The following PLXDC2 variants were observed in gnomAD, a reference collection of about 807,000 sequenced individuals.
PLXDC2 encodes the protein plexin domain containing 2.
In PLXDC2, 40 loss-of-function variants were observed where a neutral mutation model predicts 68.9. The observed-to-expected ratio is 0.58, with a 90% CI of 0.45 to 0.76. PLXDC2 has a LOEUF of 0.76. PLXDC2 is among the 30% of genes least tolerant of loss of function. The probability of loss-of-function intolerance (pLI) is 0.00; values close to 1 mark genes in which losing one functional copy is unlikely to be tolerated. For missense variants in PLXDC2, 644 were observed against 661.9 expected, an observed-to-expected ratio of 0.97 and a Z score of 0.30; for synonymous variants, 243 against 234.2, an observed-to-expected ratio of 1.04 and a Z score of -0.34.
chr10:20,197,927 C>G (rs988009707), intron 9 of PLXDC2, among the ~76,000 whole-genome samples: 6 of 152,120 alleles, frequency 3.9e-5, no homozygotes, highest in Admixed American at 1.3e-4. Flanking sequence ...AAATATTTTC[C>G]TAATAATATT....
At chr10:20,266,734 C>T (rs1047327074) in intron 13 of PLXDC2, among the ~76,000 whole-genome samples, 1 of 152,058 alleles carries the variant, frequency 6.6e-6, no homozygotes, top group South Asian at 2.1e-4. Flanking sequence ...AAAACTAAAT[C>T]GAGAGACTTT....
At chr10:19,881,301 A>C (rs999076142) in intron 1 of PLXDC2, among the ~76,000 whole-genome samples, 9 of 152,074 alleles carry the variant, frequency 5.9e-5, no homozygotes, top group African/African-American at 2.2e-4. Context: ...TTTTTGGTAG[A>C]CACAGGGTTT....
chr10:19,861,782 T>A (rs1317246295), intron 1 of PLXDC2, among the ~76,000 whole-genome samples: 1 of 152,200 alleles, frequency 6.6e-6, no homozygotes. Flanking sequence ...ACATCTTTTA[T>A]AACCCTCTGA....
At chr10:20,019,145 C>T (rs1010604647) in intron 2 of PLXDC2, among the ~76,000 whole-genome samples, 1 of 142,228 alleles carries the variant, frequency 7.0e-6, no homozygotes, top group Non-Finnish European at 1.5e-5. Context: ...AATAATGAAG[C>T]TCAACCAAAT....
At position 19,834,329 on chromosome 10, in the gene PLXDC2, T is replaced by TAGAGAGAGAG. The variant is rs72293743; in HGVS notation, c.112+17155_112+17164dup. On this transcript the variant is annotated intron_variant, in intron 1 of 13. Coordinates refer to ENST00000377252, the MANE Select transcript of PLXDC2 (RefSeq NM_032812.9). ...ACAAAATCACAGAGAAAGAGAGAGG[T>TAGAGAGAGAG]AGAGAGAGAGAGAGAGAGAGAGAGA... Among the ~76,000 whole-genome samples the TAGAGAGAGAG allele has an allele frequency of 1.7e-3, 253 of 145,290 alleles. 5 individuals carry two copies. The East Asian group carries it at 0.044, about 25-fold the overall frequency.
intron 9 of PLXDC2, among the ~76,000 whole-genome samples, chr10:20,187,783 T>A (rs1834706381): frequency 6.6e-6 from 1 of 151,924 alleles, no homozygotes; most frequent in Admixed American, 6.6e-5. Flanking sequence ...TCAGAATCGA[T>A]CTCGATGACA....
chr10:20,062,299 G>A lies in PLXDC2; in HGVS notation c.472-5871G>A, dbSNP rs10764192. 7.0e-3 allele frequency among the ~76,000 whole-genome samples: 1,063 copies of A among 152,070 alleles called. 6 individuals are homozygous for A. Among genetic ancestry groups the A allele is most frequent in the Non-Finnish European group, 0.01 (698 of 67,968 alleles). On this transcript the variant is annotated intron_variant, in intron 3 of 13. Transcript: ENST00000377252. ...ATCAGCTGGGTATGGTGGCGCATGCGTGTAGTCCCAGCTACTAGGGAGGCT... is the reference window on the plus strand; with the variant it reads ...ATCAGCTGGGTATGGTGGCGCATGCATGTAGTCCCAGCTACTAGGGAGGCT...
At chr10:20,020,844 G>A (rs1278531720) in intron 2 of PLXDC2, among the ~76,000 whole-genome samples, 1 of 152,052 alleles carries the variant, frequency 6.6e-6, no homozygotes, top group Non-Finnish European at 1.5e-5. Context: ...TTAGAATGAG[G>A]TATTGCATAA....
At chr10:19,886,129 T>A (rs537352698) in intron 1 of PLXDC2, among the ~76,000 whole-genome samples, 2 of 152,080 alleles carry the variant, frequency 1.3e-5, no homozygotes, top group African/African-American at 4.8e-5. Flanking sequence ...GTGAATGGGA[T>A]TTCACTCATG....
intron 2 of PLXDC2, among the ~76,000 whole-genome samples, chr10:20,028,223 T>C (rs918586795): frequency 1.3e-5 from 2 of 152,172 alleles, no homozygotes; most frequent in Admixed American, 1.3e-4. Flanking sequence ...TCTCAAAATC[T>C]GATTTAATTG....
At position 19,899,273 on chromosome 10, in the gene PLXDC2, G is replaced by T. The variant is rs572534347; in HGVS notation, c.112+82082G>T. Reference sequence around the variant, plus strand: ...TTTGCATTACACTTATGTAAAATGTGCACACTTCATTGATATGCTATTCAC... The same window carrying T: ...TTTGCATTACACTTATGTAAAATGTTCACACTTCATTGATATGCTATTCAC... On this transcript the variant is annotated intron_variant, in intron 1 of 13. Transcript: ENST00000377252. Among the ~76,000 whole-genome samples the T allele has an allele frequency of 5.3e-5, 8 of 152,198 alleles. No homozygotes were observed. The South Asian group carries it at 1.2e-3, about 24-fold the overall frequency.
At chr10:19,991,482 A>C (rs1834750381) in intron 1 of PLXDC2, among the ~76,000 whole-genome samples, 1 of 152,054 alleles carries the variant, frequency 6.6e-6, no homozygotes, top group African/African-American at 2.4e-5. Flanking sequence ...CACCCCTAAT[A>C]CTACCTTGAA....
intron 12 of PLXDC2, among the ~76,000 whole-genome samples, chr10:20,241,077 A>G (rs902239339): frequency 6.6e-6 from 1 of 152,226 alleles, no homozygotes; most frequent in Non-Finnish European, 1.5e-5. Flanking sequence ...CTCTGTACAA[A>G]TTGTGTTATT....
At chr10:20,015,969 C>T (rs1359112538) in intron 2 of PLXDC2, among the ~76,000 whole-genome samples, 4 of 152,174 alleles carry the variant, frequency 2.6e-5, no homozygotes, top group Non-Finnish European at 5.9e-5. Flanking sequence ...GAAACCATTC[C>T]CCATGTCACC....
intron 1 of PLXDC2, among the ~76,000 whole-genome samples, chr10:19,987,609 T>A (rs1834664368): frequency 6.6e-6 from 1 of 151,900 alleles, no homozygotes; most frequent in African/African-American, 2.4e-5. Context: ...TCACCCAGGC[T>A]GGAGTGCAGT....
At position 20,176,988 on chromosome 10, in the gene PLXDC2, T is replaced by G. The variant is rs746200470; in HGVS notation, c.884-11T>G. ...AGGTTAAAAATTGATTTTTTTTCCTTTTTTTTCTAGATGTTCGAAGAAGAA... is the reference window on the plus strand; with the variant it reads ...AGGTTAAAAATTGATTTTTTTTCCTGTTTTTTCTAGATGTTCGAAGAAGAA... On this transcript the variant is annotated splice_polypyrimidine_tract_variant and intron_variant, in intron 7 of 13. Coordinates refer to ENST00000377252, the MANE Select transcript of PLXDC2 (RefSeq NM_032812.9). 54 of 1,577,110 alleles carry G rather than the reference T, an allele frequency of 3.4e-5. No homozygotes were observed. Among genetic ancestry groups the G allele is most frequent in the Non-Finnish European group, 4.1e-5 (47 of 1,160,330 alleles).
intron 4 of PLXDC2, among the ~76,000 whole-genome samples, chr10:20,089,216 T>TG (rs1833243873): frequency 7.1e-6 from 1 of 140,452 alleles, no homozygotes; most frequent in Non-Finnish European, 1.6e-5. Context: ...GTGTGTGTGT[T>TG]TAAATACAAT....
chr10:20,065,754 G>A (rs1331952443), intron 3 of PLXDC2, among the ~76,000 whole-genome samples: 2 of 152,128 alleles, frequency 1.3e-5, no homozygotes, highest in African/African-American at 4.8e-5. Flanking sequence ...TTCACAATAG[G>A]GCTCACGCTC....
At chr10:19,948,516 G>C (rs972014374) in intron 1 of PLXDC2, among the ~76,000 whole-genome samples, 2 of 151,344 alleles carry the variant, frequency 1.3e-5, no homozygotes, top group Admixed American at 1.3e-4. Context: ...CATCTCTATT[G>C]ATGGTGGATG....
Sources: allele counts gnomAD v4.1 joint callset (sites outside exome capture counted in the v4.1 genomes callset), GRCh38; gene constraint gnomAD v4.1.1; transcripts MANE v1.5; gene names NCBI Gene and HGNC (gene_info 2026-07-23, HGNC 2026-07-21).